Variants in FRMD3 observed in about 807,000 individuals in gnomAD.
FRMD3 encodes the protein FERM domain containing 3, also known as FERM domain-containing protein 3.
FRMD3 carries 33 observed loss-of-function variants against 70.2 expected under a neutral mutation model. That is an observed-to-expected ratio of 0.47 (90% CI 0.36 to 0.63). The LOEUF is 0.63. Ranked by LOEUF, FRMD3 falls within the 20% of genes least tolerant of loss-of-function variation. The pLI is 0.00. For synonymous variants in FRMD3, 279 were observed against 255.9 expected (o/e 1.09, Z -0.86); for missense variants, 632 against 711.4 (o/e 0.89, Z 1.27).
intron 1 of FRMD3, among the ~76,000 whole-genome samples, chr9:83,508,054 T>A (rs910453296): frequency 2.0e-5 from 3 of 152,088 alleles, no homozygotes; most frequent in Non-Finnish European, 4.4e-5. Flanking sequence ...ATTTATAGAA[T>A]CTACTCCCAT....
chr9:83,280,377 G>A (rs773648633), intron 13 of FRMD3, among the ~76,000 whole-genome samples: 5 of 152,180 alleles, frequency 3.3e-5, no homozygotes, highest in East Asian at 1.9e-4. Flanking sequence ...GTCACCATAC[G>A]ATGCTTAAAT....
In FRMD3 at chr9:83,246,470, C is replaced by A. The variant is rs1832102886; in HGVS notation, c.*1448G>T. On this transcript the variant is annotated 3_prime_UTR_variant, in exon 14 of 14. Transcript: ENST00000304195. ...GGTACTAGAGCACTGGTCCCCTCTACAGTCTGGTTAGGGTCATGTCACTAC... is the reference window on the plus strand; with the variant it reads ...GGTACTAGAGCACTGGTCCCCTCTAAAGTCTGGTTAGGGTCATGTCACTAC... 1.0e-6 allele frequency: 1 copy of A among 985,138 alleles called. No homozygotes were observed. Among genetic ancestry groups the A allele is most frequent in the Non-Finnish European group, 1.2e-6 (1 of 829,798 alleles). The allele number at this position is 985,138 out of a possible 1,614,324, so 61.0% of individuals were successfully genotyped here.
At chr9:83,410,200 C>T (rs180923248) in intron 1 of FRMD3, among the ~76,000 whole-genome samples, 21 of 152,150 alleles carry the variant, frequency 1.4e-4, no homozygotes, top group African/African-American at 4.3e-4. Context: ...GTTTGTTACC[C>T]GGGAATACCG....
chr9:83,301,870 G>A (rs935213820), intron 10 of FRMD3, among the ~76,000 whole-genome samples: 12 of 152,378 alleles, frequency 7.9e-5, no homozygotes, highest in Middle Eastern at 3.4e-3. Context: ...GATGAGCAGA[G>A]AGAAAAGACT....
chr9:83,445,335 AAAAT>A (rs1256317598), intron 1 of FRMD3, among the ~76,000 whole-genome samples: 1 of 124,448 alleles, frequency 8.0e-6, no homozygotes, highest in Non-Finnish European at 1.7e-5. Flanking sequence ...CCCTATCTCA[AAAAT>A]AAATAGATAG....
chr9:83,444,289 C>T (rs987688993), intron 1 of FRMD3, among the ~76,000 whole-genome samples: 1 of 152,338 alleles, frequency 6.6e-6, no homozygotes, highest in Non-Finnish European at 1.5e-5. Flanking sequence ...ACCTCCCTGA[C>T]CCCGCCCTTT....
intron 1 of FRMD3, among the ~76,000 whole-genome samples, chr9:83,509,792 C>T (rs1269695273): frequency 6.6e-6 from 1 of 151,724 alleles, no homozygotes; most frequent in Non-Finnish European, 1.5e-5. Flanking sequence ...CGCGCGCACA[C>T]ACACACACAC....
In FRMD3 at chr9:83,363,690, G is replaced by T. The variant is rs368457661; in HGVS notation, c.295+9223C>A. ...CTGCCTCAGCCTCCTGAGTAGCTGG[G>T]ACTACAGGCGCCCGCCACCTCGCCC... On this transcript the variant is annotated intron_variant, in intron 3 of 13. Coordinates refer to ENST00000304195, the MANE Select transcript of FRMD3 (RefSeq NM_174938.6). Among the ~76,000 whole-genome samples, 252 of 152,094 alleles carry T rather than the reference G, an allele frequency of 1.7e-3. 1 individual carries two copies. Among genetic ancestry groups the T allele is most frequent in the African/African-American group, 5.8e-3 (242 of 41,498 alleles).
In FRMD3 at chr9:83,537,874, T is replaced by C. The variant is rs1419170662; in HGVS notation, c.147+211A>G. 6.6e-6 allele frequency among the ~76,000 whole-genome samples: 1 copy of C among 151,922 alleles called. No homozygotes were observed. Among genetic ancestry groups the C allele is most frequent in the Non-Finnish European group, 1.5e-5 (1 of 67,950 alleles). On this transcript the variant is annotated intron_variant, in intron 1 of 13. Transcript: ENST00000304195. This position sits in a 1 kb window ranked among gnomAD's most constrained non-coding sequence, Gnocchi z 4.1. ...CGAGGGGAAGGAGACTGGGCGCGGA[T>C]AACGCGTGCCTGGCGCTTGCAGGGC... is the stretch of plus-strand genomic sequence containing the variant.
chr9:83,448,771 C>T (rs1038668887), intron 1 of FRMD3, among the ~76,000 whole-genome samples: 1 of 152,226 alleles, frequency 6.6e-6, no homozygotes, highest in Non-Finnish European at 1.5e-5. Flanking sequence ...AGCCTCTAGC[C>T]TCCACAAATT....
At chr9:83,280,579 A>G (rs944153321) in intron 13 of FRMD3, among the ~76,000 whole-genome samples, 1 of 152,230 alleles carries the variant, frequency 6.6e-6, no homozygotes, top group South Asian at 2.1e-4. Flanking sequence ...CAGAGTTTCA[A>G]AAACATATCA....
intron 10 of FRMD3, among the ~76,000 whole-genome samples, chr9:83,303,591 T>G (rs1293486182): frequency 1.3e-5 from 2 of 152,216 alleles, no homozygotes; most frequent in Non-Finnish European, 2.9e-5. Context: ...ATCACTGAAC[T>G]AAAGCAATGT....
rs575787270 is a variant in FRMD3, at chr9:83,367,227, G to T, written c.295+5686C>A. Among the ~76,000 whole-genome samples the T allele has an allele frequency of 2.0e-5, 3 of 152,238 alleles. No individual in the cohort carries two copies. In the South Asian group the frequency reaches 6.2e-4, roughly 32 times the overall value. The stretch of plus-strand genomic sequence containing the variant: ...TGGATCAACATCTCAGTCCACATTT[G>T]TACCTATGGACATGGCAATGGCATA... On this transcript the variant is annotated intron_variant, in intron 3 of 13. Coordinates refer to ENST00000304195, the MANE Select transcript of FRMD3 (RefSeq NM_174938.6).
At chr9:83,404,101 C>G (rs987640645) in intron 1 of FRMD3, among the ~76,000 whole-genome samples, 1 of 151,920 alleles carries the variant, frequency 6.6e-6, no homozygotes, top group African/African-American at 2.4e-5. Flanking sequence ...CAAGCAGGCA[C>G]GCACACAAGA....
At chr9:83,282,000 T>C (rs1587672619) in intron 13 of FRMD3, among the ~76,000 whole-genome samples, 1 of 152,240 alleles carries the variant, frequency 6.6e-6, no homozygotes, top group East Asian at 1.9e-4. Context: ...GAAAAATAGA[T>C]GTAGTTTCTT....
At chr9:83,499,137 G>C (rs991197881) in intron 1 of FRMD3, among the ~76,000 whole-genome samples, 3 of 152,174 alleles carry the variant, frequency 2.0e-5, no homozygotes, top group African/African-American at 7.2e-5. Flanking sequence ...AAACCCAACT[G>C]AGAGAATGGC....
At chr9:83,352,170 T>A (rs1320159724) in intron 3 of FRMD3, among the ~76,000 whole-genome samples, 1 of 152,208 alleles carries the variant, frequency 6.6e-6, no homozygotes, top group East Asian at 1.9e-4. Flanking sequence ...ACCATATCCA[T>A]CCTTGTGCAC....
chr9:83,574,523 GC>G, the FRMD3 span, among the ~76,000 whole-genome samples: 1 of 152,152 alleles, frequency 6.6e-6, no homozygotes, highest in Non-Finnish European at 1.5e-5. Flanking sequence ...TCCTAGGTCT[GC>G]TAAATGGTAC....
rs1223881415 is a variant in FRMD3, at chr9:83,298,778, T to C, written c.1040A>G (p.Lys347Arg). Residue 347 changes from lysine to arginine, a missense_variant, in exon 12 of 14, where the codon AAG becomes AGG. By Grantham distance (26) the Lys-to-Arg change is conservative. Transcript: ENST00000304195. The stretch of plus-strand genomic sequence containing the variant: ...CACCTCAGGAGGCTCCCTCTGGATC[T>C]TGGAACTGGCCTCCACCACCTCTTT... The part of the protein sequence containing the change: ...VAKEVVEASS[K>R]IQREPPEVHR... 2 of 1,614,250 alleles carry C rather than the reference T, an allele frequency of 1.2e-6. No homozygotes were observed.
Sources: allele counts gnomAD v4.1 joint callset (sites outside exome capture counted in the v4.1 genomes callset), GRCh38; gene constraint gnomAD v4.1.1; non-coding constraint Gnocchi (gnomAD v3.1); transcripts MANE v1.5; gene names NCBI Gene and HGNC (gene_info 2026-07-23, HGNC 2026-07-21).